SYT16: variants seen among roughly 807,000 people sequenced by gnomAD.
SYT16 encodes synaptotagmin-16.
In SYT16, 42 loss-of-function variants were observed where a neutral mutation model predicts 61.4. That is an observed-to-expected ratio of 0.68 (90% CI 0.53 to 0.89). SYT16 has a LOEUF of 0.89. Among genes scored for constraint, SYT16 ranks in the 40% least tolerant of loss-of-function variants. The probability of loss-of-function intolerance (pLI) is 0.00; values close to 1 mark genes in which losing one functional copy is unlikely to be tolerated. For missense variants in SYT16, 804 were observed against 807.3 expected, an observed-to-expected ratio of 1.00 and a Z score of 0.05; for synonymous variants, 314 against 302.3, an observed-to-expected ratio of 1.04 and a Z score of -0.40.
intron 1 of SYT16, among the ~76,000 whole-genome samples, chr14:61,883,961 A>G (rs1183492121): frequency 1.3e-5 from 2 of 152,128 alleles, no homozygotes; most frequent in Non-Finnish European, 2.9e-5. Flanking sequence ...TGAGAACAGC[A>G]TGGGGGAAAC....
intron 1 of SYT16, among the ~76,000 whole-genome samples, chr14:61,969,782 T>C (rs913715392): frequency 2.0e-5 from 3 of 152,200 alleles, no homozygotes; most frequent in Admixed American, 6.5e-5. Flanking sequence ...CATGTCCAGC[T>C]AAACCCATTT....
At chr14:62,079,352 C>T (rs1262558230) in intron 5 of SYT16, 1 of 1,211,932 alleles carries the variant, frequency 8.3e-7, no homozygotes, top group Non-Finnish European at 1.1e-6. Flanking sequence ...TAATTTGAAT[C>T]TTAAAAGAAA....
At chr14:61,816,314 A>G (rs900854019) in intron 1 of SYT16, among the ~76,000 whole-genome samples, 2 of 152,174 alleles carry the variant, frequency 1.3e-5, no homozygotes, top group South Asian at 4.2e-4. Flanking sequence ...GGGGTCGGGG[A>G]TCAAATATAA....
At chr14:62,045,378 T>C (rs2054928625) in intron 3 of SYT16, among the ~76,000 whole-genome samples, 1 of 152,096 alleles carries the variant, frequency 6.6e-6, no homozygotes, top group South Asian at 2.1e-4. Flanking sequence ...GTATGTTAAG[T>C]CTTTTGGAAT....
chr14:62,046,440 A>T (rs376867672), intron 3 of SYT16, among the ~76,000 whole-genome samples: 9,984 of 152,144 alleles, frequency 0.066, 481 homozygotes, highest in Middle Eastern at 0.1. Context: ...TTTGCTGTGC[A>T]GAAGCTCTTT....
At chr14:61,826,322 T>C (rs1164001781) in intron 1 of SYT16, among the ~76,000 whole-genome samples, 1 of 152,074 alleles carries the variant, frequency 6.6e-6, no homozygotes. Flanking sequence ...TATGCAGACA[T>C]GGGCAGAACA....
At chr14:62,004,104 C>T (rs541637027) in intron 3 of SYT16, among the ~76,000 whole-genome samples, 12 of 152,154 alleles carry the variant, frequency 7.9e-5, no homozygotes, top group African/African-American at 4.8e-5. Flanking sequence ...AAAGACATAC[C>T]GGAGACTGGG....
chr14:61,886,898 C>CTTTTTT (rs377557650), intron 1 of SYT16, among the ~76,000 whole-genome samples: 7 of 98,228 alleles, frequency 7.1e-5, no homozygotes, highest in South Asian at 3.3e-4. Flanking sequence ...TTTTTTTTGT[C>CTTTTTT]TTTTTTTTTT....
chr14:61,818,114 T>C (rs1051707693), intron 1 of SYT16, among the ~76,000 whole-genome samples: 1 of 152,226 alleles, frequency 6.6e-6, no homozygotes, highest in East Asian at 1.9e-4. Context: ...GAAGTGATAA[T>C]GTTAACAAAA....
chr14:61,895,637 A>G (rs937301105), intron 1 of SYT16, among the ~76,000 whole-genome samples: 1 of 152,164 alleles, frequency 6.6e-6, no homozygotes, highest in Admixed American at 6.5e-5. Flanking sequence ...TACCCCCACC[A>G]CTAGCTACTA....
intron 2 of SYT16, among the ~76,000 whole-genome samples, chr14:61,986,468 A>G (rs918716834): frequency 6.6e-6 from 1 of 150,378 alleles, no homozygotes; most frequent in South Asian, 2.1e-4. Context: ...TATTTTTATT[A>G]TACTTTAAGT....
chr14:61,957,307 C>A (rs954594638), intron 1 of SYT16, among the ~76,000 whole-genome samples: 2 of 151,670 alleles, frequency 1.3e-5, no homozygotes, highest in African/African-American at 4.8e-5. Flanking sequence ...ACTTTTATTT[C>A]TTTATCTTGC....
chr14:62,004,735 A>T (rs1054420387), intron 3 of SYT16, among the ~76,000 whole-genome samples: 1 of 152,202 alleles, frequency 6.6e-6, no homozygotes, highest in Non-Finnish European at 1.5e-5. Context: ...CCACCTCATT[A>T]CTGTGGAGGC....
chr14:61,866,445 A>G (rs904881954), intron 1 of SYT16, among the ~76,000 whole-genome samples: 2 of 152,000 alleles, frequency 1.3e-5, no homozygotes, highest in Non-Finnish European at 2.9e-5. Context: ...TCATCAATTT[A>G]TTTTTATTTT....
intron 1 of SYT16, among the ~76,000 whole-genome samples, chr14:61,826,441 C>T (rs1354418451): frequency 4.6e-5 from 7 of 151,924 alleles, no homozygotes; most frequent in Non-Finnish European, 1.0e-4. Context: ...TTTTCTGGGC[C>T]CAGTAATTTT....
intron 3 of SYT16, among the ~76,000 whole-genome samples, chr14:62,045,310 A>G (rs982113152): frequency 2.6e-5 from 4 of 152,168 alleles, no homozygotes; most frequent in Non-Finnish European, 5.9e-5. Flanking sequence ...AACAGCTTCT[A>G]TAAAAGAGCA....
chr14:61,826,738 A>G (rs1243163892), intron 1 of SYT16, among the ~76,000 whole-genome samples: 1 of 152,012 alleles, frequency 6.6e-6, no homozygotes, highest in African/African-American at 2.4e-5. Context: ...TGGGACTCTC[A>G]TAACAAGATA....
intron 3 of SYT16, among the ~76,000 whole-genome samples, chr14:62,000,495 C>T (rs1192769341): frequency 1.3e-5 from 2 of 151,688 alleles, no homozygotes; most frequent in Admixed American, 6.6e-5. Flanking sequence ...CTTTTTAATC[C>T]AATATGACAA....
At chr14:61,990,689 A>G (rs772531380) in intron 2 of SYT16, among the ~76,000 whole-genome samples, 11 of 152,146 alleles carry the variant, frequency 7.2e-5, no homozygotes, top group Non-Finnish European at 1.6e-4. Context: ...AGAATCTGGT[A>G]TTTCTTCTTA....
Sources: allele counts gnomAD v4.1 joint callset (sites outside exome capture counted in the v4.1 genomes callset), GRCh38; gene constraint gnomAD v4.1.1; transcripts MANE v1.5; gene names NCBI Gene and HGNC (gene_info 2026-07-23, HGNC 2026-07-21).